The following TRAK1 variants were observed in gnomAD, a reference collection of about 807,000 sequenced individuals.
TRAK1 encodes the protein trafficking kinesin protein 1.
Under a neutral mutation model 92.1 loss-of-function variants are expected in TRAK1, and 33 were observed. That is an observed-to-expected ratio of 0.36 (90% confidence interval 0.27 to 0.48). The LOEUF is 0.48. TRAK1 is among the 20% of genes least tolerant of loss of function. The pLI is 0.99. For missense variants in TRAK1, 1,123 were observed against 1,257.9 expected (o/e 0.89, Z 1.62); for synonymous variants, 521 against 517.3 (o/e 1.01, Z -0.10).
intron 3 of TRAK1, among the ~76,000 whole-genome samples, chr3:42,179,542 A>G (rs1051963719): frequency 1.3e-5 from 2 of 152,200 alleles, no homozygotes; most frequent in African/African-American, 4.8e-5. Flanking sequence ...GGGTGATTCC[A>G]CTGGCCCCTT....
Position 42,194,893 on chromosome 3 carries a change from G to A in TRAK1, c.1065G>A (p.Met355Ile). 2 of 1,613,976 alleles carry A rather than the reference G, an allele frequency of 1.2e-6. No homozygotes were observed. The highest frequency in any genetic ancestry group is 1.7e-6 in the Non-Finnish European group (2 of 1,179,938). ...TGAAGAACCTCCGGAACAAAACCAT[G>A]CCCAATACCACGTCTCGGCGCTACC... is the stretch of plus-strand genomic sequence containing the variant. ...EELKNLRNKT[M>I]PNTTSRRYHS... Residue 355 changes from methionine (M) to isoleucine (I), a missense_variant, in exon 10 of 16, where the codon ATG (methionine) becomes ATA (isoleucine). This residue lies in a region of TRAK1 where 686 missense variants were observed against 747.6 expected (regional missense o/e 0.92). Transcript: ENST00000327628.
chr3:42,197,002 T>TCTCACA (rs1301644564), intron 10 of TRAK1, among the ~76,000 whole-genome samples: 2 of 103,606 alleles, frequency 1.9e-5, no homozygotes, highest in Non-Finnish European at 2.1e-5. Context: ...TCTCTCTCTC[T>TCTCACA]CACACACACA....
chr3:42,221,035 G>A (rs1212983582), intron 15 of TRAK1, among the ~76,000 whole-genome samples: 2 of 147,106 alleles, frequency 1.4e-5, no homozygotes, highest in Non-Finnish European at 3.0e-5. Context: ...TGTCAGGGCC[G>A]AACAAAGCCT....
chr3:42,197,825 G>A (rs745445770), intron 10 of TRAK1, among the ~76,000 whole-genome samples: 10 of 152,208 alleles, frequency 6.6e-5, no homozygotes, highest in Non-Finnish European at 1.3e-4. Flanking sequence ...CGGAGCATCC[G>A]CATGGACCAT....
At chr3:42,196,969 C>T (rs1449612775) in intron 10 of TRAK1, among the ~76,000 whole-genome samples, 3 of 131,886 alleles carry the variant, frequency 2.3e-5, no homozygotes, top group Admixed American at 1.7e-4. Flanking sequence ...CTCTCTCTCT[C>T]TCTCTCTTTC....
intron 1 of TRAK1, among the ~76,000 whole-genome samples, chr3:42,092,562 G>A (rs865860152): frequency 6.6e-6 from 1 of 152,270 alleles, no homozygotes. Flanking sequence ...GGGCCAGGGT[G>A]TAAAGGAGAA....
intron 1 of TRAK1, among the ~76,000 whole-genome samples, chr3:42,092,417 A>G (rs1190132107): frequency 6.6e-6 from 1 of 152,188 alleles, no homozygotes; most frequent in African/African-American, 2.4e-5. Flanking sequence ...CACTTCAAAC[A>G]TGCATCTTAC....
At chr3:42,158,757 C>T (rs528356958) in intron 2 of TRAK1, among the ~76,000 whole-genome samples, 1 of 132,408 alleles carries the variant, frequency 7.6e-6, no homozygotes, top group South Asian at 2.3e-4. Context: ...TCCTGGTGAA[C>T]ACGGTGAAAC....
At chr3:42,043,710 G>T (rs894232132) in intron 1 of TRAK1, among the ~76,000 whole-genome samples, 3 of 152,116 alleles carry the variant, frequency 2.0e-5, no homozygotes, top group African/African-American at 7.2e-5. Context: ...CCAGTCCCTG[G>T]CTTTGTTTCT....
intron 13 of TRAK1, chr3:42,203,275 G>A: frequency 2.0e-6 from 2 of 1,006,958 alleles, no homozygotes; most frequent in Non-Finnish European, 2.4e-6. Context: ...ATATAGCAAG[G>A]TTGTGGCTTT....
intron 4 of TRAK1, among the ~76,000 whole-genome samples, chr3:42,186,331 C>T (rs73828586): frequency 0.06 from 9,117 of 152,150 alleles, 282 homozygotes; most frequent in Middle Eastern, 0.085. Context: ...AGTGGATGCC[C>T]TTGTTCATGT....
intron 4 of TRAK1, among the ~76,000 whole-genome samples, chr3:42,186,823 T>G (rs1704932139): frequency 6.6e-6 from 1 of 152,098 alleles, no homozygotes; most frequent in South Asian, 2.1e-4. Flanking sequence ...AAATTATCAG[T>G]CTAGGTGTCG....
At position 42,067,471 on chromosome 3, in the gene TRAK1, A is replaced by C. The variant is rs182180895; in HGVS notation, c.-518-19633A>C. Among the ~76,000 whole-genome samples the C allele has an allele frequency of 3.4e-3, 524 of 152,352 alleles. 4 individuals carry two copies. The highest frequency in any genetic ancestry group is 0.012 in the African/African-American group (504 of 41,582). ...CTGCAGAATCTGTTTTCAAAAACAC[A>C]AGGCTGTGATTTCACTGTAGTTCAG... On this transcript the variant is annotated intron_variant, in intron 1 of 16. Transcript: ENST00000487159.
chr3:42,118,758 G>C (rs973829943), intron 1 of TRAK1, among the ~76,000 whole-genome samples: 1 of 152,244 alleles, frequency 6.6e-6, no homozygotes, highest in Non-Finnish European at 1.5e-5. Flanking sequence ...CCTAGGAAGG[G>C]TTATACCTCT....
chr3:42,022,277 ATCTT>A (rs1375297728), intron 1 of TRAK1, among the ~76,000 whole-genome samples: 2 of 152,246 alleles, frequency 1.3e-5, no homozygotes, highest in Non-Finnish European at 2.9e-5. Context: ...TTGGGAAAAC[ATCTT>A]TCTATTTGAG....
upstream of TRAK1, among the ~76,000 whole-genome samples, chr3:42,086,834 C>A (rs1236031975): frequency 6.6e-6 from 1 of 152,122 alleles, no homozygotes; most frequent in Non-Finnish European, 1.5e-5. Context: ...CAGTGTGTTT[C>A]TTTGCTTAGA....
chr3:42,117,637 C>T (rs1709329031), intron 1 of TRAK1, among the ~76,000 whole-genome samples: 4 of 152,124 alleles, frequency 2.6e-5, no homozygotes, highest in Admixed American at 6.5e-5. Context: ...CCCTGTTCTC[C>T]TGGGCTTAGA....
rs80271015 is a variant in TRAK1 at position 42,103,609 on chromosome 3, A to G, written c.91+12049A>G. Among the ~76,000 whole-genome samples the G allele has an allele frequency of 7.2e-3, 1,089 of 152,210 alleles. 53 individuals are homozygous for G. The East Asian group carries it at 0.13, about 18-fold the overall frequency. ...TCGATGCTATTCGAGGGTACACTTA[A>G]CAGACATTTTATGGCTGGGCTCGTG... On this transcript the variant is annotated intron_variant, in intron 1 of 15. Transcript: ENST00000327628.
At chr3:42,179,933 A>G (rs1446049274) in intron 3 of TRAK1, among the ~76,000 whole-genome samples, 2 of 151,646 alleles carry the variant, frequency 1.3e-5, no homozygotes, top group South Asian at 2.1e-4. Flanking sequence ...GTGTCTCACT[A>G]TGTTGCCCAG....
Sources: allele counts gnomAD v4.1 joint callset (sites outside exome capture counted in the v4.1 genomes callset), GRCh38; gene constraint gnomAD v4.1.1; regional missense constraint gnomAD v4.1.1; transcripts MANE v1.5; gene names NCBI Gene and HGNC (gene_info 2026-07-23, HGNC 2026-07-21).